The following RNF13 variants were observed in gnomAD, a reference collection of about 807,000 sequenced individuals.
RNF13 encodes E3 ubiquitin-protein ligase RNF13.
A neutral mutation model predicts 37.7 loss-of-function variants in RNF13; 19 were observed. The ratio of observed to expected loss-of-function variants is 0.50; its 90% CI spans 0.35 to 0.74. RNF13 has a LOEUF of 0.74. Among genes scored for constraint, RNF13 ranks in the 30% least tolerant of loss-of-function variants. The pLI, the probability that RNF13 is intolerant of heterozygous loss-of-function variation, is 0.01. For synonymous variants in RNF13, 144 were observed against 157.8 expected, an observed-to-expected ratio of 0.91 and a Z score of 0.65; for missense variants, 375 against 453.0, an observed-to-expected ratio of 0.83 and a Z score of 1.56.
chr3:149,950,968 C>T (rs1332454893), intron 8 of RNF13, among the ~76,000 whole-genome samples: 1 of 152,124 alleles, frequency 6.6e-6, no homozygotes, highest in African/African-American at 2.4e-5. Context: ...GATTCTAAAA[C>T]CACAGTAGAT....
chr3:149,884,383 C>T (rs1310432983), intron 4 of RNF13, among the ~76,000 whole-genome samples: 1 of 151,748 alleles, frequency 6.6e-6, no homozygotes, highest in Admixed American at 6.6e-5. Context: ...TCTGAATGAT[C>T]TAGTATTCAA....
At chr3:149,903,304 C>T (rs1444689035) in intron 6 of RNF13, among the ~76,000 whole-genome samples, 3 of 151,724 alleles carry the variant, frequency 2.0e-5, no homozygotes, top group Non-Finnish European at 4.4e-5. Flanking sequence ...ATTGCTCCCT[C>T]GTTTAGAATA....
intron 1 of RNF13, among the ~76,000 whole-genome samples, chr3:149,833,945 CACA>C (rs1301950523): frequency 6.6e-6 from 1 of 152,120 alleles, no homozygotes; most frequent in Non-Finnish European, 1.5e-5. Context: ...CAAAATCACA[CACA>C]AAAATCAGTT....
intron 8 of RNF13, among the ~76,000 whole-genome samples, chr3:149,944,076 C>T (rs1194320766): frequency 6.6e-6 from 1 of 151,974 alleles, no homozygotes; most frequent in African/African-American, 2.4e-5. Flanking sequence ...GTTTTTTGTC[C>T]TTGCGATAGT....
chr3:149,865,490 G>C lies in RNF13; in HGVS notation c.196-6539G>C, dbSNP rs185869911. Among the ~76,000 whole-genome samples, 114 of 151,958 alleles carry C rather than the reference G, an allele frequency of 7.5e-4. 2 individuals carry two copies. In the East Asian group the frequency reaches 0.021, roughly 28 times the overall value. On this transcript the variant is annotated intron_variant, in intron 3 of 9. Coordinates refer to ENST00000392894, the MANE Select transcript of RNF13 (RefSeq NM_183381.3). The stretch of plus-strand genomic sequence containing the variant: ...TCCTGTTTCGTTTTTTTGAGAGAGA[G>C]AGTCTCACTCTGTTTCCCAAGATGA...
At chr3:149,907,359 G>A (rs532072620) in intron 6 of RNF13, among the ~76,000 whole-genome samples, 164 of 152,218 alleles carry the variant, frequency 1.1e-3, no homozygotes, top group African/African-American at 3.9e-3. Context: ...CTTTAAGTAA[G>A]ATTCTGGTTT....
chr3:149,860,299 A>G (rs1724121081), intron 3 of RNF13, among the ~76,000 whole-genome samples: 1 of 142,924 alleles, frequency 7.0e-6, no homozygotes, highest in South Asian at 2.2e-4. Context: ...ATATATATAT[A>G]TAACGTGTAT....
chr3:149,853,463 A>AGGGAGAGAGAGG (rs781728282), intron 3 of RNF13, among the ~76,000 whole-genome samples: 1 of 97,110 alleles, frequency 1.0e-5, no homozygotes, highest in Non-Finnish European at 2.4e-5. Flanking sequence ...AGGGAGAGAG[A>AGGGAGAGAGAGG]GAGAGAGAGA....
chr3:149,847,069 A>G (rs1020352088), intron 2 of RNF13, among the ~76,000 whole-genome samples: 4 of 152,180 alleles, frequency 2.6e-5, no homozygotes, highest in Admixed American at 1.3e-4. Flanking sequence ...CGACTTTATG[A>G]TGGTATGAAA....
At chr3:149,950,509 C>G (rs1281569590) in intron 8 of RNF13, among the ~76,000 whole-genome samples, 1 of 152,190 alleles carries the variant, frequency 6.6e-6, no homozygotes, top group Non-Finnish European at 1.5e-5. Context: ...AGCTCTCACT[C>G]TGGTACCTAA....
intron 7 of RNF13, among the ~76,000 whole-genome samples, chr3:149,918,975 A>C (rs1022921554): frequency 1.3e-5 from 2 of 152,164 alleles, no homozygotes; most frequent in African/African-American, 2.4e-5. Flanking sequence ...TCCATTTAAC[A>C]TATATTGTGA....
intron 1 of RNF13, among the ~76,000 whole-genome samples, chr3:149,818,478 T>C (rs1011702658): frequency 6.6e-6 from 1 of 152,198 alleles, no homozygotes; most frequent in African/African-American, 2.4e-5. Context: ...ATGTGTTTAA[T>C]GCTCAACAAA....
intron 1 of RNF13, among the ~76,000 whole-genome samples, chr3:149,831,103 G>T (rs533477418): frequency 2.0e-4 from 30 of 152,248 alleles, no homozygotes; most frequent in Non-Finnish European, 3.8e-4. Flanking sequence ...TTTGCTGCGG[G>T]GGTGAAGCCC....
At chr3:149,843,839 T>A (rs1722395658) in intron 1 of RNF13, among the ~76,000 whole-genome samples, 1 of 152,258 alleles carries the variant, frequency 6.6e-6, no homozygotes, top group African/African-American at 2.4e-5. Flanking sequence ...CTTCCCCATT[T>A]GTGAAATGAT....
chr3:149,890,412 T>G (rs1714573940), intron 4 of RNF13, among the ~76,000 whole-genome samples: 1 of 152,174 alleles, frequency 6.6e-6, no homozygotes, highest in Non-Finnish European at 1.5e-5. Context: ...TCTTCTCACT[T>G]CTGACTGTCC....
chr3:149,958,562 C>T (rs1204540468), intron 8 of RNF13, among the ~76,000 whole-genome samples: 1 of 152,200 alleles, frequency 6.6e-6, no homozygotes, highest in Non-Finnish European at 1.5e-5. Flanking sequence ...CTTTGAGCCA[C>T]AGTCAGTTCC....
intron 4 of RNF13, among the ~76,000 whole-genome samples, chr3:149,878,210 T>C (rs891689654): frequency 3.9e-5 from 6 of 152,184 alleles, no homozygotes; most frequent in African/African-American, 1.2e-4. Flanking sequence ...TTCAAGAGAC[T>C]TACTGCTTTA....
At chr3:149,885,986 A>G (rs1236543875) in intron 4 of RNF13, among the ~76,000 whole-genome samples, 2 of 152,080 alleles carry the variant, frequency 1.3e-5, no homozygotes, top group African/African-American at 4.8e-5. Context: ...CATTGAAGAG[A>G]CTGTCTTTTC....
At chr3:149,922,312 C>G (rs921499226) in intron 8 of RNF13, among the ~76,000 whole-genome samples, 1 of 152,142 alleles carries the variant, frequency 6.6e-6, no homozygotes, top group Non-Finnish European at 1.5e-5. Context: ...ATACTACCTT[C>G]TGTGTCCCTA....
Sources: gnomAD v4.1 joint callset for allele counts (sites outside exome capture counted in the v4.1 genomes callset) on GRCh38, gnomAD v4.1.1 for gene constraint, MANE v1.5 for transcripts, NCBI Gene and HGNC (gene_info 2026-07-23, HGNC 2026-07-21) for gene names.